The following ARHGAP15 variants were observed in gnomAD, a reference collection of about 807,000 sequenced individuals.
ARHGAP15 encodes rho GTPase-activating protein 15.
In ARHGAP15, 51 loss-of-function variants were observed where a neutral mutation model predicts 63.7. That is an observed-to-expected ratio of 0.80 (90% confidence interval 0.64 to 1.01). The LOEUF is 1.01. Among genes scored for constraint, ARHGAP15 ranks in the 50% least tolerant of loss-of-function variants. ARHGAP15 has a pLI of 0.00. For synonymous variants in ARHGAP15, 191 were observed against 193.8 expected (o/e 0.99, Z 0.12); for missense variants, 560 against 564.6 (o/e 0.99, Z 0.08).
chr2:143,229,341 A>C (rs1693347010), intron 5 of ARHGAP15, among the ~76,000 whole-genome samples: 1 of 152,204 alleles, frequency 6.6e-6, no homozygotes, highest in Admixed American at 6.5e-5. Context: ...CATCTAATGG[A>C]GCTAATACAA....
At chr2:143,743,789 G>C (rs556371469) in intron 13 of ARHGAP15, among the ~76,000 whole-genome samples, 4 of 152,166 alleles carry the variant, frequency 2.6e-5, no homozygotes, top group Middle Eastern at 3.4e-3. Context: ...TTGTAGGTTA[G>C]AGAGTAATCA....
At chr2:143,518,591 G>C (rs985241170) in intron 9 of ARHGAP15, among the ~76,000 whole-genome samples, 1 of 152,152 alleles carries the variant, frequency 6.6e-6, no homozygotes, top group African/African-American at 2.4e-5. Context: ...CATTTTGTTC[G>C]CAGGCCCTTT....
chr2:143,374,352 C>T (rs1686710529), intron 6 of ARHGAP15, among the ~76,000 whole-genome samples: 1 of 152,078 alleles, frequency 6.6e-6, no homozygotes, highest in African/African-American at 2.4e-5. Context: ...GCCATTTTCC[C>T]CACCCCATTT....
At chr2:143,469,771 T>C (rs1691426582) in intron 8 of ARHGAP15, among the ~76,000 whole-genome samples, 2 of 152,358 alleles carry the variant, frequency 1.3e-5, no homozygotes, top group South Asian at 2.1e-4. Flanking sequence ...TTTGGATAGA[T>C]TGAGTGAAAT....
intron 6 of ARHGAP15, among the ~76,000 whole-genome samples, chr2:143,263,893 G>A (rs1176851902): frequency 8.7e-5 from 12 of 138,502 alleles, no homozygotes; most frequent in African/African-American, 2.5e-4. Context: ...GTGGGTCTAC[G>A]GTGAAGCTGC....
intron 13 of ARHGAP15, among the ~76,000 whole-genome samples, chr2:143,712,927 C>T (rs931844657): frequency 6.6e-6 from 1 of 152,160 alleles, no homozygotes; most frequent in Non-Finnish European, 1.5e-5. Context: ...AGAGCACTGG[C>T]TCCAGAAGGG....
At chr2:143,594,057 A>G (rs928632357) in intron 11 of ARHGAP15, among the ~76,000 whole-genome samples, 1 of 152,152 alleles carries the variant, frequency 6.6e-6, no homozygotes, top group Non-Finnish European at 1.5e-5. Flanking sequence ...TAAGTGTTAA[A>G]ATACATATAT....
At chr2:143,397,558 CA>C (rs879705313) in intron 6 of ARHGAP15, among the ~76,000 whole-genome samples, 1,882 of 138,978 alleles carry the variant, frequency 0.014, 34 homozygotes, top group African/African-American at 0.046. Flanking sequence ...AAAATATTGG[CA>C]AAAAAAAACG....
chr2:143,148,890 G>T, intron 1 of ARHGAP15, among the ~76,000 whole-genome samples: 1 of 152,024 alleles, frequency 6.6e-6, no homozygotes, highest in Non-Finnish European at 1.5e-5. Flanking sequence ...GAAGGAAACT[G>T]AAATTAAAAT....
chr2:143,762,596 T>C (rs1423764993), intron 13 of ARHGAP15, among the ~76,000 whole-genome samples: 1 of 152,128 alleles, frequency 6.6e-6, no homozygotes, highest in Non-Finnish European at 1.5e-5. Context: ...GCAAAACACA[T>C]AGAACAGCAT....
intron 6 of ARHGAP15, among the ~76,000 whole-genome samples, chr2:143,326,754 TG>T (rs1558895040): frequency 6.6e-6 from 1 of 152,180 alleles, no homozygotes; most frequent in African/African-American, 2.4e-5. Flanking sequence ...TAGGTATTGA[TG>T]GGTCTTATCT....
intron 11 of ARHGAP15, among the ~76,000 whole-genome samples, chr2:143,569,971 C>T (rs1212143413): frequency 6.6e-6 from 1 of 152,120 alleles, no homozygotes; most frequent in Non-Finnish European, 1.5e-5. Flanking sequence ...ATTTTCATGT[C>T]ACCTCTTAAT....
At chr2:143,720,865 C>T (rs774112257) in intron 13 of ARHGAP15, among the ~76,000 whole-genome samples, 27 of 151,956 alleles carry the variant, frequency 1.8e-4, no homozygotes, top group Non-Finnish European at 3.1e-4. Flanking sequence ...GTCAGGAGAT[C>T]AAGACCATCC....
At chr2:143,373,596 C>T (rs1458845402) in intron 6 of ARHGAP15, among the ~76,000 whole-genome samples, 2 of 138,126 alleles carry the variant, frequency 1.4e-5, no homozygotes, top group African/African-American at 5.4e-5. Context: ...CACCACTGCA[C>T]TCCAGCCTGG....
At chr2:143,700,946 C>T (rs1180270288) in intron 12 of ARHGAP15, among the ~76,000 whole-genome samples, 1 of 152,106 alleles carries the variant, frequency 6.6e-6, no homozygotes, top group East Asian at 1.9e-4. Context: ...TACTATTTGG[C>T]AGAAAAGATG....
chr2:143,468,651 A>C (rs953652594), intron 8 of ARHGAP15, among the ~76,000 whole-genome samples: 1 of 126,680 alleles, frequency 7.9e-6, no homozygotes, highest in African/African-American at 3.0e-5. Flanking sequence ...AGAGAGAGAG[A>C]GAGAGAGAGA....
At chr2:143,636,958 T>G (rs755322510) in intron 12 of ARHGAP15, among the ~76,000 whole-genome samples, 13 of 152,154 alleles carry the variant, frequency 8.5e-5, no homozygotes, top group Non-Finnish European at 1.6e-4. Flanking sequence ...GGCTTGCAGA[T>G]GGCCACCTTC....
At chr2:143,759,812 G>A (rs937484645) in intron 13 of ARHGAP15, among the ~76,000 whole-genome samples, 9 of 151,840 alleles carry the variant, frequency 5.9e-5, no homozygotes, top group Admixed American at 5.9e-4. Flanking sequence ...ACCACTCTCT[G>A]CTCATTAGTA....
chr2:143,407,148 A>G (rs1350242469), intron 6 of ARHGAP15, among the ~76,000 whole-genome samples: 1 of 151,864 alleles, frequency 6.6e-6, no homozygotes, highest in African/African-American at 2.4e-5. Context: ...TTTATTTCAC[A>G]TTTTTTATAA....
Sources: allele counts gnomAD v4.1 joint callset (sites outside exome capture counted in the v4.1 genomes callset), GRCh38; gene constraint gnomAD v4.1.1; transcripts MANE v1.5; gene names NCBI Gene and HGNC (gene_info 2026-07-23, HGNC 2026-07-21).